The following SPON1 variants were observed in gnomAD, a reference collection of about 807,000 sequenced individuals.
SPON1 encodes the protein spondin-1.
Under a neutral mutation model 111.7 loss-of-function variants are expected in SPON1, and 52 were observed. The observed-to-expected ratio is 0.47, with a 90% CI of 0.37 to 0.59. The LOEUF is 0.59. Ranked by LOEUF, SPON1 falls within the 20% of genes least tolerant of loss-of-function variation. The pLI, the probability that SPON1 is intolerant of heterozygous loss-of-function variation, is 0.00. For synonymous variants in SPON1, 410 were observed against 395.8 expected, an observed-to-expected ratio of 1.04 and a Z score of -0.43; for missense variants, 957 against 1,068.5, an observed-to-expected ratio of 0.90 and a Z score of 1.46.
chr11:14,016,177 C>T (rs1591351783), intron 2 of SPON1, among the ~76,000 whole-genome samples: 1 of 152,136 alleles, frequency 6.6e-6, no homozygotes, highest in East Asian at 1.9e-4. Context: ...TTGGGTATAC[C>T]CTCCTTTCTT....
intron 6 of SPON1, among the ~76,000 whole-genome samples, chr11:14,214,069 T>A (rs1848602778): frequency 1.3e-5 from 2 of 152,362 alleles, no homozygotes; most frequent in South Asian, 4.1e-4. Context: ...CAAACATGCC[T>A]CTGAACCTCT....
intron 5 of SPON1, among the ~76,000 whole-genome samples, chr11:14,133,552 C>A (rs1442170151): frequency 6.6e-6 from 1 of 152,098 alleles, no homozygotes; most frequent in African/African-American, 2.4e-5. Flanking sequence ...CACTAAGGTA[C>A]AGAATTGCAG....
chr11:14,024,409 G>A (rs1388043872), intron 2 of SPON1, among the ~76,000 whole-genome samples: 2 of 152,178 alleles, frequency 1.3e-5, no homozygotes, highest in African/African-American at 4.8e-5. Flanking sequence ...GGTGGAGGTG[G>A]CGCTCAGCAA....
intron 5 of SPON1, among the ~76,000 whole-genome samples, chr11:14,111,647 G>T (rs1849227579): frequency 1.3e-5 from 2 of 152,106 alleles, no homozygotes; most frequent in African/African-American, 4.8e-5. Flanking sequence ...GCCAAATAAG[G>T]CTGACTATTC....
At chr11:13,995,401 G>A (rs540751021) in intron 2 of SPON1, among the ~76,000 whole-genome samples, 1 of 152,150 alleles carries the variant, frequency 6.6e-6, no homozygotes, top group Non-Finnish European at 1.5e-5. Flanking sequence ...AGCTGGGGAG[G>A]CCTCAGGAAA....
At chr11:14,260,347 C>A (rs1265721937) in intron 13 of SPON1, among the ~76,000 whole-genome samples, 1 of 152,076 alleles carries the variant, frequency 6.6e-6, no homozygotes, top group African/African-American at 2.4e-5. Context: ...CATATTGCTA[C>A]CCTCATGTCA....
At chr11:14,095,698 A>C (rs1849095203) in intron 5 of SPON1, among the ~76,000 whole-genome samples, 1 of 152,210 alleles carries the variant, frequency 6.6e-6, no homozygotes, top group African/African-American at 2.4e-5. Context: ...ATATTGTTCT[A>C]TTCGGCCCTC....
intron 3 of SPON1, among the ~76,000 whole-genome samples, chr11:14,072,953 G>A (rs367667994): frequency 1.8e-4 from 27 of 152,160 alleles, no homozygotes; most frequent in African/African-American, 6.0e-4. Flanking sequence ...ATCTCATACA[G>A]GTCGAGTATT....
chr11:14,029,275 G>A (rs1554915736), intron 2 of SPON1, among the ~76,000 whole-genome samples: 1 of 152,116 alleles, frequency 6.6e-6, no homozygotes, highest in Non-Finnish European at 1.5e-5. Context: ...CTAAAATGCT[G>A]CTGGAAATGT....
At chr11:14,080,812 G>A (rs1249483740) in intron 5 of SPON1, among the ~76,000 whole-genome samples, 2 of 152,274 alleles carry the variant, frequency 1.3e-5, no homozygotes, top group African/African-American at 4.8e-5. Flanking sequence ...GGCCAAGCAT[G>A]GTGGCTCAAG....
At chr11:14,083,362 A>G (rs1275439416) in intron 5 of SPON1, among the ~76,000 whole-genome samples, 2 of 152,194 alleles carry the variant, frequency 1.3e-5, no homozygotes, top group African/African-American at 2.4e-5. Context: ...TCATATGGCT[A>G]TGTAATTGGA....
intron 2 of SPON1, among the ~76,000 whole-genome samples, chr11:13,988,202 A>G (rs1302989386): frequency 6.6e-6 from 1 of 152,062 alleles, no homozygotes; most frequent in African/African-American, 2.4e-5. Context: ...ATGTTTTTCC[A>G]TTTGTTTGTG....
intron 3 of SPON1, among the ~76,000 whole-genome samples, chr11:14,054,213 CAG>C (rs1352839303): frequency 9.2e-5 from 14 of 152,296 alleles, no homozygotes; most frequent in Admixed American, 9.1e-4. Flanking sequence ...GCCAGGAAAA[CAG>C]AGGAGAAAAA....
chr11:14,180,152 A>G (rs1160999840), intron 6 of SPON1, among the ~76,000 whole-genome samples: 1 of 152,180 alleles, frequency 6.6e-6, no homozygotes, highest in African/African-American at 2.4e-5. Context: ...GGTTCCCAGG[A>G]TGTGAGACTT....
intron 6 of SPON1, among the ~76,000 whole-genome samples, chr11:14,189,135 A>G (rs557012319): frequency 6.6e-6 from 1 of 152,334 alleles, no homozygotes; most frequent in Non-Finnish European, 1.5e-5. Context: ...AAGAGGTTCA[A>G]TGCACAGATG....
At chr11:14,092,140 A>G (rs1849064486) in intron 5 of SPON1, among the ~76,000 whole-genome samples, 2 of 152,114 alleles carry the variant, frequency 1.3e-5, no homozygotes, top group Admixed American at 6.5e-5. Flanking sequence ...TCTTGCCAAT[A>G]CCCTCCAAGG....
chr11:14,202,620 C>G (rs11607537), intron 6 of SPON1, among the ~76,000 whole-genome samples: 1 of 152,164 alleles, frequency 6.6e-6, no homozygotes, highest in African/African-American at 2.4e-5. Context: ...CTAACCTGTT[C>G]GTCCCTTTGA....
intron 2 of SPON1, among the ~76,000 whole-genome samples, chr11:14,014,958 G>A (rs1196673218): frequency 1.3e-5 from 2 of 152,080 alleles, no homozygotes; most frequent in Non-Finnish European, 2.9e-5. Flanking sequence ...GTAAACAAAT[G>A]TGTCTTTGTG....
chr11:14,017,247 C>T (rs1848450387), intron 2 of SPON1, among the ~76,000 whole-genome samples: 1 of 152,096 alleles, frequency 6.6e-6, no homozygotes, highest in Non-Finnish European at 1.5e-5. Context: ...TAAGCATTGT[C>T]ATTGAGTTGA....
Sources: gnomAD v4.1 joint callset for allele counts (sites outside exome capture counted in the v4.1 genomes callset) on GRCh38, gnomAD v4.1.1 for gene constraint, MANE v1.5 for transcripts, NCBI Gene and HGNC (gene_info 2026-07-23, HGNC 2026-07-21) for gene names.